KLHL1: variants seen among roughly 807,000 people sequenced by gnomAD.
KLHL1 encodes the protein kelch like family member 1, also known as kelch-like protein 1.
Under a neutral mutation model 77.7 loss-of-function variants are expected in KLHL1, and 47 were observed. The ratio of observed to expected loss-of-function variants is 0.60; its 90% confidence interval spans 0.48 to 0.77. The LOEUF is 0.77. Ranked by LOEUF, KLHL1 falls within the 30% of genes least tolerant of loss-of-function variation. KLHL1 has a pLI of 0.00. For synonymous variants in KLHL1, 360 were observed against 325.2 expected (o/e 1.11, Z -1.15); for missense variants, 925 against 910.8 (o/e 1.02, Z -0.20).
intron 6 of KLHL1, among the ~76,000 whole-genome samples, chr13:69,805,356 T>C (rs1040873329): frequency 2.6e-5 from 4 of 152,086 alleles, no homozygotes; most frequent in African/African-American, 7.2e-5. Context: ...TAAACTAATC[T>C]CATTGAAATG....
chr13:70,013,873 C>T (rs531485712), intron 1 of KLHL1, among the ~76,000 whole-genome samples: 31 of 152,164 alleles, frequency 2.0e-4, no homozygotes, highest in African/African-American at 4.8e-4. Context: ...AGCACTTTCT[C>T]GCTACTTGTT....
intron 8 of KLHL1, among the ~76,000 whole-genome samples, chr13:69,739,647 A>G (rs79883250): frequency 0.21 from 31,217 of 152,216 alleles, 3,320 homozygotes; most frequent in South Asian, 0.3. Flanking sequence ...CATAAAAGAC[A>G]AGTCCTTGAA....
At chr13:70,085,297 T>C (rs1418743553) in intron 1 of KLHL1, among the ~76,000 whole-genome samples, 1 of 152,170 alleles carries the variant, frequency 6.6e-6, no homozygotes. Context: ...GTGATAGCAG[T>C]TGAACATCAT....
At chr13:69,837,681 T>TAC (rs1566309227) in intron 6 of KLHL1, among the ~76,000 whole-genome samples, 3 of 129,430 alleles carry the variant, frequency 2.3e-5, no homozygotes, top group African/African-American at 3.5e-5. Flanking sequence ...TATATATATA[T>TAC]ATATATACAC....
At chr13:69,904,051 ATAT>A (rs1337865941) in intron 4 of KLHL1, among the ~76,000 whole-genome samples, 8 of 151,966 alleles carry the variant, frequency 5.3e-5, no homozygotes, top group Admixed American at 4.6e-4. Flanking sequence ...TTTAACCTAT[ATAT>A]TATTATATTA....
rs549074041 is a variant in KLHL1 at position 69,742,638 on chromosome 13, T to C, written c.1640-2082A>G. ...CATTGTTCCCAATAAGTAAGTATGC[T>C]TCACACATATTACACAATTATACAA... On this transcript the variant is annotated intron_variant, in intron 7 of 10. Coordinates refer to ENST00000377844, the MANE Select transcript of KLHL1 (RefSeq NM_020866.3). Among the ~76,000 whole-genome samples, 19 of 152,312 alleles carry C rather than the reference T, an allele frequency of 1.2e-4. No individual in the cohort carries two copies. In the South Asian group the frequency reaches 3.7e-3, roughly 30 times the overall value.
At chr13:70,017,767 A>C (rs958480750) in intron 1 of KLHL1, among the ~76,000 whole-genome samples, 5 of 152,250 alleles carry the variant, frequency 3.3e-5, no homozygotes, top group African/African-American at 1.2e-4. Flanking sequence ...ACATAAATAA[A>C]AAGAAAACAA....
At chr13:69,773,863 C>CTATATATATATA (rs72007331) in intron 7 of KLHL1, among the ~76,000 whole-genome samples, 150 of 146,040 alleles carry the variant, frequency 1.0e-3, no homozygotes, top group African/African-American at 3.1e-3. Context: ...AAGTCCTTGG[C>CTATATATATATA]TATATATATA....
chr13:69,782,722 C>A (rs1233512759), intron 7 of KLHL1, among the ~76,000 whole-genome samples: 17 of 152,202 alleles, frequency 1.1e-4, no homozygotes, highest in Admixed American at 2.0e-4. Context: ...TCTGTAGGCT[C>A]CACCTCTGGG....
intron 1 of KLHL1, among the ~76,000 whole-genome samples, chr13:70,007,713 T>C (rs183050716): frequency 8.3e-4 from 127 of 152,166 alleles, no homozygotes; most frequent in African/African-American, 3.0e-3. Context: ...AGTACTGTAT[T>C]ACTTTACAAA....
intron 4 of KLHL1, among the ~76,000 whole-genome samples, chr13:69,899,403 G>T (rs538616605): frequency 3.3e-5 from 5 of 152,216 alleles, no homozygotes; most frequent in African/African-American, 1.2e-4. Context: ...AAAATTGTGT[G>T]GCAAGGTCAT....
intron 1 of KLHL1, among the ~76,000 whole-genome samples, chr13:69,979,489 C>G (rs984983761): frequency 1.3e-5 from 2 of 151,940 alleles, no homozygotes; most frequent in African/African-American, 4.8e-5. Context: ...ATCACATATC[C>G]AAACTACTAA....
chr13:69,892,335 T>G (rs1881452854), intron 4 of KLHL1, among the ~76,000 whole-genome samples: 2 of 152,188 alleles, frequency 1.3e-5, no homozygotes, highest in Non-Finnish European at 2.9e-5. Context: ...TTCATTGCAG[T>G]AAACTGTCCA....
chr13:69,923,659 T>C (rs1371319429), intron 4 of KLHL1, among the ~76,000 whole-genome samples: 3 of 152,120 alleles, frequency 2.0e-5, no homozygotes, highest in Non-Finnish European at 4.4e-5. Flanking sequence ...AAAATTACAA[T>C]ATAAGGAGGA....
At chr13:69,803,342 A>C (rs891562124) in intron 6 of KLHL1, among the ~76,000 whole-genome samples, 6 of 152,226 alleles carry the variant, frequency 3.9e-5, no homozygotes, top group African/African-American at 1.4e-4. Flanking sequence ...CTTGCACAGC[A>C]TCTCTCAGTT....
chr13:70,091,167 T>C (rs1010575616), intron 1 of KLHL1, among the ~76,000 whole-genome samples: 2 of 152,066 alleles, frequency 1.3e-5, no homozygotes, highest in Non-Finnish European at 2.9e-5. Flanking sequence ...CTGCTTCAGC[T>C]TTTTTCCTCT....
rs2137387363 is a variant in KLHL1, at chr13:70,047,492, C to T, written c.497+59711G>A. Among the ~76,000 whole-genome samples, 3 of 151,950 alleles carry T rather than the reference C, an allele frequency of 2.0e-5. No homozygotes were observed. In the Middle Eastern group the frequency reaches 0.01, roughly 517 times the overall value. On this transcript the variant is annotated intron_variant, in intron 1 of 10. Transcript: ENST00000377844. ...AGTAGAAAACTTTAGTGGCCATGTT[C>T]TTTAGAGACACATTACTTACCCCAC...
intron 8 of KLHL1, among the ~76,000 whole-genome samples, chr13:69,727,194 C>T (rs1417102323): frequency 2.0e-5 from 3 of 152,034 alleles, no homozygotes; most frequent in African/African-American, 7.2e-5. Context: ...TGGTTTTAAG[C>T]AAAAGCAGAT....
intron 8 of KLHL1, among the ~76,000 whole-genome samples, chr13:69,722,410 G>T (rs569686682): frequency 8.6e-5 from 13 of 151,566 alleles, no homozygotes; most frequent in Admixed American, 3.3e-4. Context: ...AAATCATGAA[G>T]AAATATGAAA....
Sources: allele counts gnomAD v4.1 joint callset (sites outside exome capture counted in the v4.1 genomes callset), GRCh38; gene constraint gnomAD v4.1.1; transcripts MANE v1.5; gene names NCBI Gene and HGNC (gene_info 2026-07-23, HGNC 2026-07-21).